The following TCN2 variants were observed in gnomAD, a reference collection of about 807,000 sequenced individuals.
TCN2 encodes transcobalamin 2, also known as transcobalamin-2.
Under a neutral mutation model 48.6 loss-of-function variants are expected in TCN2, and 34 were observed. That is an observed-to-expected ratio of 0.70 (90% CI 0.53 to 0.93). The LOEUF (loss-of-function observed/expected upper bound fraction) is 0.93, where lower values mean the gene tolerates loss of function less well. Ranked by LOEUF, TCN2 falls within the 40% of genes least tolerant of loss-of-function variation. The probability of loss-of-function intolerance (pLI) is 0.00; values close to 1 mark genes in which losing one functional copy is unlikely to be tolerated. For synonymous variants in TCN2, 283 were observed against 212.5 expected (o/e 1.33, Z -2.89); for missense variants, 652 against 526.1 (o/e 1.24, Z -2.34).
chr22:30,615,557 C>G, intron 5 of TCN2, 44 bp from the exon 6 acceptor site: 1 of 1,613,920 alleles, frequency 6.2e-7, no homozygotes, highest in Non-Finnish European at 8.5e-7. Context: ...CTAGCCCCTC[C>G]CTGCCGGCTG....
chr22:30,614,641 C>T, intron 4 of TCN2, 140 bp downstream of exon 4: 9 of 1,284,560 alleles, frequency 7.0e-6, no homozygotes, highest in South Asian at 3.9e-5. Context: ...GACGAATTGG[C>T]GAGGGCTCAT....
At chr22:30,623,999 T>C (rs61250232) in intron 8 of TCN2, among the ~76,000 whole-genome samples, 1,204 of 34,254 alleles carry the variant, frequency 0.035, 329 homozygotes, top group African/African-American at 0.045. Context: ...TATACACACA[T>C]ATATATGTAT....
At chr22:30,616,438 A>G (rs1371189313) in intron 6 of TCN2, among the ~76,000 whole-genome samples, 1 of 151,540 alleles carries the variant, frequency 6.6e-6, no homozygotes, top group East Asian at 1.9e-4. Context: ...CAGTGAGCCA[A>G]GATCATGCCA....
intron 7 of TCN2, among the ~76,000 whole-genome samples, 184 bp from the exon 8 acceptor site, chr22:30,622,784 G>A (rs772395045): frequency 1.3e-5 from 2 of 152,202 alleles, no homozygotes. Context: ...GCAGGATCGG[G>A]GGTCTGGAGG....
chr22:30,620,824 A>AT (rs1314709276), intron 7 of TCN2, among the ~76,000 whole-genome samples: 1 of 152,196 alleles, frequency 6.6e-6, no homozygotes, highest in African/African-American at 2.4e-5. Context: ...AGGCCCCTGA[A>AT]TGCACAGCAG....
intron 7 of TCN2, among the ~76,000 whole-genome samples, chr22:30,620,998 T>G (rs912610019): frequency 7.1e-4 from 108 of 152,210 alleles, no homozygotes; most frequent in Middle Eastern, 3.4e-3. Context: ...GTGGTGGTTG[T>G]TGTTGTTGTT....
In TCN2 at chr22:30,626,621, C is replaced by T. The variant is rs975957937; in HGVS notation, c.*100C>T. 199 of 1,344,738 alleles carry T rather than the reference C, an allele frequency of 1.5e-4. No individual in the cohort carries two copies. Among genetic ancestry groups the T allele is most frequent in the Non-Finnish European group, 1.9e-4 (182 of 948,940 alleles). The allele number at this position is 1,344,738 out of a possible 1,614,324, so 83.3% of individuals were successfully genotyped here. A position where few individuals can be genotyped will look rare whatever the true frequency, so the allele number is the denominator to read the frequency against. The stretch of plus-strand genomic sequence containing the variant: ...AGGAACTCGCCTGACCCTGCTGCCA[C>T]CTCCTGTGCACTTTGAGCAATGCCC... On this transcript the variant is annotated 3_prime_UTR_variant, in exon 9 of 9. Coordinates refer to ENST00000215838, the MANE Select transcript of TCN2 (RefSeq NM_000355.4).
At chr22:30,619,099 C>G (rs2087659088) in intron 7 of TCN2, among the ~76,000 whole-genome samples, 1 of 151,994 alleles carries the variant, frequency 6.6e-6, no homozygotes, top group African/African-American at 2.4e-5. Flanking sequence ...TTATTTGAGA[C>G]AGGGTCTTAC....
intron 4 of TCN2, 72 bp from the exon 5 acceptor site, chr22:30,615,229 A>T: frequency 6.5e-7 from 1 of 1,543,618 alleles, no homozygotes; most frequent in Non-Finnish European, 9.0e-7. Context: ...CAAGGGCCTG[A>T]CCCTCAAGCC....
In TCN2 at chr22:30,623,991, TAC is replaced by T. The variant is rs1350795651; in HGVS notation, c.1222+914_1222+915del. ...ACACACATATATATGTATACATATATACACACATATATATGTATACATATATA... is the reference window on the plus strand; with the variant it reads ...ACACACATATATATGTATACATATATACACATATATATGTATACATATATA... On this transcript the variant is annotated intron_variant, in intron 8 of 8. Transcript: ENST00000215838. Among the ~76,000 whole-genome samples the T allele has an allele frequency of 2.7e-4, 14 of 52,084 alleles. 5 individuals carry two copies. The highest frequency in any genetic ancestry group is 5.0e-4 in the Non-Finnish European group (11 of 22,022). The allele number at this position is 52,084 out of a possible 152,430, so 34.2% of individuals were successfully genotyped here. A position where few individuals can be genotyped will look rare whatever the true frequency, so the allele number is the denominator to read the frequency against.
At position 30,613,005 on chromosome 22, in the gene TCN2, G is replaced by A. The variant is rs565849474; in HGVS notation, c.390G>A (p.Gln130=). The A allele has an allele frequency of 1.2e-6, 2 of 1,614,148 alleles. No individual in the cohort carries two copies. Among genetic ancestry groups the A allele is most frequent in the East Asian group, 2.2e-5 (1 of 44,870 alleles). ...ACAAGGGGGACAGGCTGGTCTCACA[G>A]CTCAAATGGTTCCTGGAGGATGAGA... ...RGHKGDRLVS[Q]LKWFLEDEKR... The change falls in exon 3 of 9, where the codon CAG becomes CAA. Residue 130 remains glutamine, a synonymous_variant. Coordinates refer to ENST00000215838, the MANE Select transcript of TCN2 (RefSeq NM_000355.4).
chr22:30,623,196 C>G, intron 8 of TCN2, 113 bp downstream of exon 8: 1 of 934,754 alleles, frequency 1.1e-6, no homozygotes, highest in South Asian at 1.4e-5. Context: ...CACACCTTCA[C>G]AAAATCACTG....
chr22:30,618,894 C>T (rs564197570), intron 7 of TCN2, among the ~76,000 whole-genome samples: 6 of 152,210 alleles, frequency 3.9e-5, no homozygotes, highest in South Asian at 2.1e-4. Flanking sequence ...CTCAGTCTCC[C>T]GAGTAGCTGG....
intron 1 of TCN2, 32 bp downstream of exon 1, chr22:30,607,427 T>C: frequency 1.2e-6 from 2 of 1,612,996 alleles, no homozygotes; most frequent in Non-Finnish European, 1.7e-6. Flanking sequence ...TGTGCCTCTT[T>C]CCTCCTGGGT....
At chr22:30,623,297 A>G (rs891425850) in intron 8 of TCN2, 9 of 134,630 alleles carry the variant, frequency 6.7e-5, no homozygotes, top group Admixed American at 5.0e-4. Flanking sequence ...GACAGATTAC[A>G]AAAAAAAAAA....
At chr22:30,616,503 A>AAT (rs1410748893) in intron 6 of TCN2, among the ~76,000 whole-genome samples, 1 of 150,872 alleles carries the variant, frequency 6.6e-6, no homozygotes, top group African/African-American at 2.4e-5. Context: ...AAAAAAAAAA[A>AAT]AATGGAGAAG....
intron 6 of TCN2, 42 bp from the exon 7 acceptor site, chr22:30,617,288 C>G (rs1017875457): frequency 1.6e-5 from 26 of 1,613,468 alleles, no homozygotes; most frequent in Non-Finnish European, 2.2e-5. Context: ...TCCAGGCTCT[C>G]TGTCCTCACA....
chr22:30,621,218 C>T (rs1238285601), intron 7 of TCN2, among the ~76,000 whole-genome samples: 1 of 152,058 alleles, frequency 6.6e-6, no homozygotes, highest in Non-Finnish European at 1.5e-5. Context: ...GTGTCAAACT[C>T]CCAACCTCAG....
intron 8 of TCN2, among the ~76,000 whole-genome samples, chr22:30,623,483 C>T (rs992659654): frequency 6.6e-6 from 1 of 151,916 alleles, no homozygotes; most frequent in Admixed American, 6.6e-5. Flanking sequence ...CTTCCTAGAG[C>T]CCAAGTGGTC....
Sources: gnomAD v4.1 joint callset for allele counts (sites outside exome capture counted in the v4.1 genomes callset) on GRCh38, gnomAD v4.1.1 for gene constraint, MANE v1.5 for transcripts, NCBI Gene and HGNC (gene_info 2026-07-23, HGNC 2026-07-21) for gene names.